NPC1: variants seen among roughly 807,000 people sequenced by gnomAD.
NPC1 encodes Niemann-Pick C1 protein.
A neutral mutation model predicts 140.4 loss-of-function variants in NPC1; 85 were observed. The observed-to-expected ratio is 0.61, with a 90% CI of 0.51 to 0.72. The LOEUF (loss-of-function observed/expected upper bound fraction) is 0.72, where lower values mean the gene tolerates loss of function less well. Ranked by LOEUF, NPC1 falls within the 30% of genes least tolerant of loss-of-function variation. NPC1 has a pLI of 0.00. For missense variants in NPC1, 1,504 were observed against 1,623.8 expected, an observed-to-expected ratio of 0.93 and a Z score of 1.27; for synonymous variants, 656 against 624.8, an observed-to-expected ratio of 1.05 and a Z score of -0.74.
intron 3 of NPC1, among the ~76,000 whole-genome samples, chr18:23,570,362 C>A (rs1224226003): frequency 2.0e-5 from 3 of 152,208 alleles, no homozygotes; most frequent in Non-Finnish European, 4.4e-5. Context: ...AATGCCTCAC[C>A]TACGGTGGAT....
At chr18:23,552,968 G>C (rs949584401) in intron 9 of NPC1, among the ~76,000 whole-genome samples, 1 of 152,232 alleles carries the variant, frequency 6.6e-6, no homozygotes, top group Non-Finnish European at 1.5e-5. Context: ...TAAGGGCATG[G>C]TTCTGGGCAG....
At chr18:23,568,732 T>C in intron 4 of NPC1, 91 bp downstream of exon 4, 1 of 1,052,644 alleles carries the variant, frequency 9.5e-7, no homozygotes, top group Admixed American at 1.8e-5. Flanking sequence ...AAATTGTGAT[T>C]TTCCAGAGTT....
rs890404092 is a variant in NPC1 at position 23,559,548 on chromosome 18, C to T, written c.881+683G>A. 7.1e-5 allele frequency among the ~76,000 whole-genome samples: 9 copies of T among 126,552 alleles called. No individual in the cohort carries two copies. The South Asian group carries it at 1.0e-3, about 15-fold the overall frequency. The allele number at this position is 126,552 out of a possible 152,430, so 83.0% of individuals were successfully genotyped here. On this transcript the variant is annotated intron_variant, in intron 6 of 24. Coordinates refer to ENST00000269228, the MANE Select transcript of NPC1 (RefSeq NM_000271.5). ...ACACAGTCTCGCACTGTCGCCAGGG[C>T]TGTTTGCAATGGACTCCTGACCTCA...
At chr18:23,565,443 C>T (rs1447254063) in intron 4 of NPC1, among the ~76,000 whole-genome samples, 3 of 152,138 alleles carry the variant, frequency 2.0e-5, no homozygotes, top group African/African-American at 4.8e-5. Context: ...GCAACCACCG[C>T]GTCCCAGGTT....
chr18:23,536,331 G>A (rs1247216257), intron 21 of NPC1, among the ~76,000 whole-genome samples: 1 of 152,208 alleles, frequency 6.6e-6, no homozygotes, highest in Non-Finnish European at 1.5e-5. Context: ...TAGGGATTCT[G>A]GTTCATTGTT....
chr18:23,510,961 A>T (rs71517445), intron 3 of NPC1, among the ~76,000 whole-genome samples: 1 of 152,218 alleles, frequency 6.6e-6, no homozygotes, highest in South Asian at 2.1e-4. Flanking sequence ...TTGACCTAGC[A>T]GCCCCATTAC....
chr18:23,509,245 T>C, intron 3 of NPC1: 1 of 1,459,376 alleles, frequency 6.9e-7, no homozygotes, highest in South Asian at 1.6e-5. Flanking sequence ...ACTGAAATTG[T>C]CTTCATAACA....
At chr18:23,558,205 G>A (rs1400546964) in intron 6 of NPC1, among the ~76,000 whole-genome samples, 1 of 152,056 alleles carries the variant, frequency 6.6e-6, no homozygotes, top group Non-Finnish European at 1.5e-5. Context: ...GTTTCAGGAG[G>A]AACAAAATAT....
chr18:23,576,923 A>G (rs935228677), intron 1 of NPC1: 1 of 152,660 alleles, frequency 6.6e-6, no homozygotes, highest in East Asian at 1.9e-4. Context: ...CTTCCACAGC[A>G]TGGAAGAGGA....
intron 3 of NPC1, among the ~76,000 whole-genome samples, chr18:23,511,560 AAC>A (rs1404067667): frequency 6.6e-6 from 1 of 152,256 alleles, no homozygotes; most frequent in Non-Finnish European, 1.5e-5. Context: ...AATTATTATG[AAC>A]AGTTTGGTGC....
chr18:23,586,476 C>T lies in NPC1; in HGVS notation c.-133G>A. On this transcript the variant is annotated 5_prime_UTR_variant, in exon 1 of 25. Coordinates refer to ENST00000269228, the MANE Select transcript of NPC1 (RefSeq NM_000271.5). ...GAGGAGCAGGAGCAGGCGCTGACCG[C>T]GGCAGCAGGCTGCGCGCGCCGGTCA... is the stretch of plus-strand genomic sequence containing the variant. The T allele has an allele frequency of 7.0e-7, 1 of 1,434,976 alleles. No individual in the cohort carries two copies. Among genetic ancestry groups the T allele is most frequent in the Non-Finnish European group, 9.1e-7 (1 of 1,102,360 alleles). The allele number at this position is 1,434,976 out of a possible 1,614,324, so 88.9% of individuals were successfully genotyped here.
intron 23 of NPC1, 160 bp downstream of exon 23, chr18:23,534,286 G>A (rs560802046): frequency 5.3e-5 from 37 of 693,972 alleles, no homozygotes; most frequent in Middle Eastern, 7.4e-4. Context: ...TCCACAGAAC[G>A]TCCGTTCTGT....
chr18:23,561,372 G>A lies in NPC1; in HGVS notation c.619C>T (p.Pro207Ser). The A allele has an allele frequency of 6.2e-7, 1 of 1,614,138 alleles. No homozygotes were observed. The highest frequency in any genetic ancestry group is 8.5e-7 in the Non-Finnish European group (1 of 1,180,020). The change falls in exon 5 of 25, where the codon CCT (proline) becomes TCT (serine). Residue 207 changes from proline to serine, a missense_variant. Coordinates refer to ENST00000269228, the MANE Select transcript of NPC1 (RefSeq NM_000271.5). Reference protein sequence around the residue: ...DNGQAPFTITPVFSDFPVHGM... With the variant: ...DNGQAPFTITSVFSDFPVHGM... ...TCTTTATACCTACCTGAAAACACAG[G>A]AGTGATGGTAAAAGGTGCCTGTCCA...
chr18:23,525,968 T>C (rs915471845), downstream of NPC1, among the ~76,000 whole-genome samples: 8 of 152,214 alleles, frequency 5.3e-5, no homozygotes, highest in African/African-American at 1.9e-4. Flanking sequence ...ACATCCACTG[T>C]ATGTATGTAA....
intron 7 of NPC1, 68 bp from the exon 8 acceptor site, chr18:23,556,681 G>A (rs563851519): frequency 2.5e-6 from 4 of 1,593,204 alleles, no homozygotes; most frequent in East Asian, 2.3e-5. Context: ...GTCGGAACAG[G>A]GAAAGCATTA....
rs761952957 is a variant in NPC1 at position 23,535,700 on chromosome 18, A to G, written c.3246T>C (p.Ser1082=). 1.2e-6 allele frequency: 2 copies of G among 1,605,156 alleles called. No homozygotes were observed. The highest frequency in any genetic ancestry group is 1.3e-5 in the African/African-American group (1 of 74,702). Residue 1082 remains serine, a splice_region_variant and synonymous_variant, in exon 22 of 25, where the codon AGT becomes AGC. Coordinates refer to ENST00000269228, the MANE Select transcript of NPC1 (RefSeq NM_000271.5). The part of the protein sequence containing the change: ...NGSAYRVFPY[S]VFYVFYEQYL... ...ACTGTTCGTAGAAGACATAAAACAC[A>G]CTGGAGGGGAGAGGGGAGGCCTCAT...
At chr18:23,578,511 A>G (rs1427317194) in intron 1 of NPC1, among the ~76,000 whole-genome samples, 2 of 152,170 alleles carry the variant, frequency 1.3e-5, no homozygotes, top group African/African-American at 4.8e-5. Flanking sequence ...CCAACAGCTG[A>G]AAGTGGAGAG....
intron 18 of NPC1, 150 bp from the exon 19 acceptor site, chr18:23,539,620 T>A: frequency 1.3e-6 from 1 of 791,660 alleles, no homozygotes; most frequent in Middle Eastern, 3.5e-4. Flanking sequence ...GAAAAAAGCC[T>A]TCAAAGTATT....
chr18:23,578,108 C>T (rs1407642050), intron 1 of NPC1, among the ~76,000 whole-genome samples: 1 of 152,238 alleles, frequency 6.6e-6, no homozygotes, highest in Non-Finnish European at 1.5e-5. Context: ...AAGGGCTCCT[C>T]AAATGCCACC....
Sources: allele counts gnomAD v4.1 joint callset (sites outside exome capture counted in the v4.1 genomes callset), GRCh38; gene constraint gnomAD v4.1.1; transcripts MANE v1.5; gene names NCBI Gene and HGNC (gene_info 2026-07-23, HGNC 2026-07-21).